Variants in C2CD3 observed in about 807,000 individuals in gnomAD.
C2CD3 encodes the protein C2 domain-containing protein 3.
In C2CD3, 148 loss-of-function variants were observed where a neutral mutation model predicts 234.0. That is an observed-to-expected ratio of 0.63 (90% CI 0.55 to 0.72). C2CD3 has a LOEUF of 0.72. Ranked by LOEUF, C2CD3 falls within the 30% of genes least tolerant of loss-of-function variation. C2CD3 has a pLI of 0.00. For missense variants in C2CD3, 2,577 were observed against 2,811.5 expected, an observed-to-expected ratio of 0.92 and a Z score of 1.89; for synonymous variants, 1,000 against 1,035.4, an observed-to-expected ratio of 0.97 and a Z score of 0.66.
At chr11:74,064,866 A>G (rs1385588595) in intron 24 of C2CD3, among the ~76,000 whole-genome samples, 1 of 152,240 alleles carries the variant, frequency 6.6e-6, no homozygotes, top group Non-Finnish European at 1.5e-5. Flanking sequence ...GGCTAGCCAT[A>G]TGTAGAAAGC....
intron 10 of C2CD3, 38 bp downstream of exon 10, chr11:74,114,346 A>G: frequency 1.4e-6 from 2 of 1,464,980 alleles, no homozygotes; most frequent in Non-Finnish European, 1.9e-6. Context: ...ACACTTTCCA[A>G]AAATGTCAAA....
In C2CD3 at chr11:74,092,577, G is replaced by T; in HGVS notation, c.3356C>A (p.Pro1119His). ...GGCGACCTTCTGGTCTCTCACATTA[G>T]GATAATAGTATCTGTAAACCACAAA... Reference protein sequence around the residue: ...QFEIWCRYYYPNVRDQKVAKG... With the variant: ...QFEIWCRYYYHNVRDQKVAKG... Residue 1119 changes from proline to histidine, a missense_variant, in exon 19 of 33, where the codon CCT (proline) becomes CAT (histidine). Transcript: ENST00000334126. 1 of 1,612,034 alleles carries T rather than the reference G, an allele frequency of 6.2e-7. No homozygotes were observed. The highest frequency in any genetic ancestry group is 1.7e-4 in the Middle Eastern group (1 of 6,030).
intron 24 of C2CD3, among the ~76,000 whole-genome samples, chr11:74,067,360 C>A (rs1954588574): frequency 6.6e-6 from 1 of 151,630 alleles, no homozygotes; most frequent in Non-Finnish European, 1.5e-5. Flanking sequence ...AAGGCTGAAC[C>A]TGGAAAAAGG....
At chr11:74,113,700 AGTCAAATG>A in intron 11 of C2CD3, 72 bp downstream of exon 11, 1 of 818,834 alleles carries the variant, frequency 1.2e-6, no homozygotes, top group Non-Finnish European at 2.1e-6. Context: ...AAAAAAAAAA[AGTCAAATG>A]AGTAATTAGG....
intron 7 of C2CD3, among the ~76,000 whole-genome samples, chr11:74,127,948 C>A (rs1290734090): frequency 6.6e-6 from 1 of 151,966 alleles, no homozygotes; most frequent in Non-Finnish European, 1.5e-5. Flanking sequence ...CTGCAAGCTC[C>A]GCCTCCTGGG....
chr11:74,068,940 G>C (rs751798641), intron 24 of C2CD3, among the ~76,000 whole-genome samples: 5 of 152,210 alleles, frequency 3.3e-5, no homozygotes, highest in Non-Finnish European at 5.9e-5. Flanking sequence ...TGAGTAGCTG[G>C]AATTGCAGGC....
intron 3 of C2CD3, among the ~76,000 whole-genome samples, chr11:74,153,572 T>C (rs1299652263): frequency 6.6e-6 from 1 of 152,198 alleles, no homozygotes. Flanking sequence ...AAATATACCA[T>C]GTTCATGGAT....
intron 22 of C2CD3, among the ~76,000 whole-genome samples, chr11:74,082,800 A>T (rs970656468): frequency 6.6e-6 from 1 of 152,224 alleles, no homozygotes; most frequent in Non-Finnish European, 1.5e-5. Flanking sequence ...GAGGACACAA[A>T]CAAATGGAAG....
intron 3 of C2CD3, among the ~76,000 whole-genome samples, chr11:74,161,047 C>T (rs75988269): frequency 0.022 from 3,302 of 151,926 alleles, 69 homozygotes; most frequent in African/African-American, 0.047. Context: ...GAAACTAAAA[C>T]GAAGAGGAAT....
chr11:74,087,479 G>A (rs1170456575), intron 20 of C2CD3, among the ~76,000 whole-genome samples: 1 of 151,784 alleles, frequency 6.6e-6, no homozygotes, highest in Non-Finnish European at 1.5e-5. Context: ...CAGGAGAATC[G>A]CTTGAACCCA....
At chr11:74,099,623 G>A (rs767278166) in intron 15 of C2CD3, among the ~76,000 whole-genome samples, 3 of 152,146 alleles carry the variant, frequency 2.0e-5, no homozygotes, top group Non-Finnish European at 4.4e-5. Context: ...TAGGCTGGGC[G>A]CGGTGGCTCA....
intron 13 of C2CD3, among the ~76,000 whole-genome samples, chr11:74,105,119 C>T (rs1204365242): frequency 6.6e-6 from 1 of 152,108 alleles, no homozygotes; most frequent in Non-Finnish European, 1.5e-5. Flanking sequence ...AGCATGATAC[C>T]TTACTGACTC....
chr11:74,165,560 A>T (rs1856752124), intron 2 of C2CD3, among the ~76,000 whole-genome samples: 1 of 152,218 alleles, frequency 6.6e-6, no homozygotes, highest in Non-Finnish European at 1.5e-5. Flanking sequence ...TACCTACCAC[A>T]CAGCTTAAGA....
intron 2 of C2CD3, chr11:74,164,088 A>T (rs907777541): frequency 1.6e-6 from 1 of 622,492 alleles, no homozygotes; most frequent in East Asian, 1.4e-4. Flanking sequence ...ACACTTAATT[A>T]TAAGTCCACT....
rs1437001379 is a variant in C2CD3 at position 74,037,515 on chromosome 11, G to A, written c.5844C>T (p.Ser1948=). 1.2e-6 allele frequency: 2 copies of A among 1,614,082 alleles called. No individual in the cohort carries two copies. The highest frequency in any genetic ancestry group is 1.7e-5 in the Admixed American group (1 of 60,024). The change falls in exon 30 of 33, where the codon TCC becomes TCT. Residue 1948 remains serine, a synonymous_variant. Coordinates refer to ENST00000334126, the MANE Select transcript of C2CD3 (RefSeq NM_001286577.2). The part of the protein sequence containing the change: ...DPGSQCILEK[S]SNLVLQVSSL... ...AGCTGACTTGCAACACCAGGTTACT[G>A]GATTTCTCCAGGATACACTGGCTCC...
intron 19 of C2CD3, 57 bp from the exon 20 acceptor site, chr11:74,090,993 A>G (rs1272828839): frequency 1.3e-6 from 2 of 1,596,112 alleles, no homozygotes; most frequent in Non-Finnish European, 1.7e-6. Flanking sequence ...TGTTCCACCA[A>G]ACCACAAAGT....
chr11:74,136,804 TA>T (rs1957879255), intron 5 of C2CD3, among the ~76,000 whole-genome samples: 1 of 151,750 alleles, frequency 6.6e-6, no homozygotes, highest in Non-Finnish European at 1.5e-5. Context: ...CTGTCGGGGG[TA>T]GGGGGCTAGG....
chr11:74,154,911 T>C (rs1018080740), intron 3 of C2CD3, among the ~76,000 whole-genome samples: 1 of 152,204 alleles, frequency 6.6e-6, no homozygotes, highest in Non-Finnish European at 1.5e-5. Flanking sequence ...CTCATTAGAA[T>C]GGCAAAAATT....
At chr11:74,150,520 A>AAAAAAAAATTTT (rs1855556076) in intron 3 of C2CD3, among the ~76,000 whole-genome samples, 1 of 75,848 alleles carries the variant, frequency 1.3e-5, no homozygotes, top group African/African-American at 4.9e-5. Context: ...AAAAAACAAA[A>AAAAAAAAATTTT]AAAAAACAAA....
Sources: gnomAD v4.1 joint callset for allele counts (sites outside exome capture counted in the v4.1 genomes callset) on GRCh38, gnomAD v4.1.1 for gene constraint, MANE v1.5 for transcripts, NCBI Gene and HGNC (gene_info 2026-07-23, HGNC 2026-07-21) for gene names.